Variants in XXYLT1 observed in about 807,000 individuals in gnomAD.
The protein encoded by XXYLT1 is UDP-xylose:alpha-xyloside alpha-1,3-xylosyltransferase.
XXYLT1 carries 20 observed loss-of-function variants against 28.9 expected under a neutral mutation model. The observed-to-expected ratio is 0.69, with a 90% CI of 0.49 to 1.00. XXYLT1 has a LOEUF of 1.00. Ranked by LOEUF, XXYLT1 falls within the 50% of genes least tolerant of loss-of-function variation. XXYLT1 has a pLI of 0.00. For missense variants in XXYLT1, 542 were observed against 560.1 expected (o/e 0.97, Z 0.33); for synonymous variants, 257 against 253.8 (o/e 1.01, Z -0.12).
chr3:195,265,463 G>C (rs1725819658), intron 1 of XXYLT1, among the ~76,000 whole-genome samples: 2 of 152,286 alleles, frequency 1.3e-5, no homozygotes, highest in South Asian at 4.1e-4. Flanking sequence ...AGGTCTTTCT[G>C]AACAGTTAAG....
At position 195,115,230 on chromosome 3, in the gene XXYLT1, G is replaced by A. The variant is rs1105819; in HGVS notation, c.785+41219C>T. On this transcript the variant is annotated intron_variant, in intron 3 of 3. Coordinates refer to ENST00000310380, the MANE Select transcript of XXYLT1 (RefSeq NM_152531.5). The surrounding 1 kb of genome is among the most constrained non-coding windows in gnomAD (Gnocchi z 4.2). Reference sequence around the variant, plus strand: ...TTCTGGCTGTCACTGCTGGTTAGACGGTCCCAGTCACCTTGAACCCAGGTC... The same window carrying A: ...TTCTGGCTGTCACTGCTGGTTAGACAGTCCCAGTCACCTTGAACCCAGGTC... Among the ~76,000 whole-genome samples, 83,107 of 152,004 alleles carry A rather than the reference G, an allele frequency of 0.55. 23,416 individuals carry two copies. Among genetic ancestry groups the A allele is most frequent in the Middle Eastern group, 0.65 (190 of 294 alleles).
intron 3 of XXYLT1, among the ~76,000 whole-genome samples, chr3:195,075,775 T>G (rs977133683): frequency 1.3e-5 from 2 of 152,232 alleles, no homozygotes; most frequent in Non-Finnish European, 2.9e-5. Flanking sequence ...GTGCTTGTTT[T>G]CAAACCCCAG....
intron 1 of XXYLT1, among the ~76,000 whole-genome samples, chr3:195,259,200 G>C (rs1725587933): frequency 6.6e-6 from 1 of 152,244 alleles, no homozygotes; most frequent in African/African-American, 2.4e-5. Context: ...GGCTTAATCG[G>C]GGCTGCTTAA....
intron 3 of XXYLT1, among the ~76,000 whole-genome samples, chr3:195,126,003 T>A (rs1231786611): frequency 6.6e-6 from 1 of 152,024 alleles, no homozygotes; most frequent in East Asian, 1.9e-4. Context: ...CAAAACCACA[T>A]GGAGGCATTT....
At chr3:195,179,794 C>A (rs1263036858) in intron 2 of XXYLT1, among the ~76,000 whole-genome samples, 1 of 152,108 alleles carries the variant, frequency 6.6e-6, no homozygotes, top group Non-Finnish European at 1.5e-5. Context: ...CCACTTGCAG[C>A]CGTAGAGATG....
intron 2 of XXYLT1, among the ~76,000 whole-genome samples, chr3:195,223,051 C>G (rs1723896743): frequency 6.6e-6 from 1 of 151,494 alleles, no homozygotes; most frequent in African/African-American, 2.4e-5. Flanking sequence ...TGGTGAAACC[C>G]CATCTCTACT....
At chr3:195,201,112 G>T (rs1347670012) in intron 2 of XXYLT1, among the ~76,000 whole-genome samples, 1 of 152,112 alleles carries the variant, frequency 6.6e-6, no homozygotes, top group Non-Finnish European at 1.5e-5. Flanking sequence ...AAGCTCTCTG[G>T]GTAATTCTGA....
intron 2 of XXYLT1, among the ~76,000 whole-genome samples, chr3:195,191,340 A>C (rs1722410868): frequency 6.6e-6 from 1 of 152,232 alleles, no homozygotes; most frequent in Admixed American, 6.5e-5. Context: ...AAAGATAAAG[A>C]TCTTTATGAT....
Position 195,238,158 on chromosome 3 carries a change from G to A in XXYLT1, c.505-11302C>T, listed in dbSNP as rs535107445. Among the ~76,000 whole-genome samples, 403 of 152,046 alleles carry A rather than the reference G, an allele frequency of 2.7e-3. 1 individual carries two copies. The highest frequency in any genetic ancestry group is 9.1e-3 in the African/African-American group (378 of 41,410). Reference sequence around the variant, plus strand: ...TCTGGCCCCGTCCCCCGACCTCCCCGCCTCGTGTGACTGGGCAGCACTGAA... The same window carrying A: ...TCTGGCCCCGTCCCCCGACCTCCCCACCTCGTGTGACTGGGCAGCACTGAA... On this transcript the variant is annotated intron_variant, in intron 1 of 3. Coordinates refer to ENST00000310380, the MANE Select transcript of XXYLT1 (RefSeq NM_152531.5).
chr3:195,122,640 C>A (rs371260293), intron 3 of XXYLT1, among the ~76,000 whole-genome samples: 1 of 152,160 alleles, frequency 6.6e-6, no homozygotes, highest in Non-Finnish European at 1.5e-5. Flanking sequence ...AAGGGGGAGG[C>A]GACTGCCAGC....
chr3:195,074,343 G>A (rs1271927654), intron 3 of XXYLT1, among the ~76,000 whole-genome samples: 1 of 152,222 alleles, frequency 6.6e-6, no homozygotes, highest in Non-Finnish European at 1.5e-5. Flanking sequence ...AGCCTTGAGA[G>A]CAGTCACTGA....
intron 3 of XXYLT1, among the ~76,000 whole-genome samples, chr3:195,119,939 G>C (rs1209265276): frequency 6.6e-5 from 10 of 151,536 alleles, no homozygotes; most frequent in Non-Finnish European, 1.0e-4. Context: ...TGGGCGGGGC[G>C]GGGGGAGCAG....
intron 2 of XXYLT1, among the ~76,000 whole-genome samples, chr3:195,185,695 C>T (rs562719304): frequency 5.9e-5 from 9 of 152,004 alleles, no homozygotes; most frequent in African/African-American, 1.9e-4. Context: ...TCGACACACC[C>T]TCTGGGCGCT....
intron 2 of XXYLT1, chr3:195,175,736 T>A: frequency 6.5e-7 from 1 of 1,534,888 alleles, no homozygotes; most frequent in Non-Finnish European, 8.7e-7. Context: ...ACTGTAGCAG[T>A]GAGAAGCCAC....
intron 3 of XXYLT1, among the ~76,000 whole-genome samples, chr3:195,072,483 G>A (rs181134924): frequency 6.6e-6 from 1 of 151,382 alleles, no homozygotes; most frequent in Non-Finnish European, 1.5e-5. Context: ...TCAGGAGATG[G>A]GGGCCGCAGG....
At chr3:195,088,968 T>G (rs1368820029) in intron 3 of XXYLT1, among the ~76,000 whole-genome samples, 1 of 151,748 alleles carries the variant, frequency 6.6e-6, no homozygotes, top group East Asian at 1.9e-4. Flanking sequence ...AGAAGGGAAG[T>G]TTAGAGAAAA....
At position 195,078,242 on chromosome 3, in the gene XXYLT1, C is replaced by A. The variant is rs2108643897; in HGVS notation, c.786-8131G>T. Among the ~76,000 whole-genome samples the A allele has an allele frequency of 6.6e-6, 1 of 152,158 alleles. No homozygotes were observed. Among genetic ancestry groups the A allele is most frequent in the South Asian group, 2.1e-4 (1 of 4,800 alleles). ...CCGGCCATAAGCAGAGAGCACCAAGCAGGTGGTACGGAATTCTGGAGAGTT... is the reference window on the plus strand; with the variant it reads ...CCGGCCATAAGCAGAGAGCACCAAGAAGGTGGTACGGAATTCTGGAGAGTT... On this transcript the variant is annotated intron_variant, in intron 3 of 3. Coordinates refer to ENST00000310380, the MANE Select transcript of XXYLT1 (RefSeq NM_152531.5). This position sits in a 1 kb window ranked among gnomAD's most constrained non-coding sequence, Gnocchi z 5.0.
chr3:195,265,397 G>A (rs180889259), intron 1 of XXYLT1, among the ~76,000 whole-genome samples: 1 of 152,254 alleles, frequency 6.6e-6, no homozygotes, highest in Admixed American at 6.5e-5. Flanking sequence ...AATGCACAAG[G>A]TGATGGGAAA....
rs564579266 is a variant in XXYLT1, at chr3:195,253,655, C to T, written c.504+16900G>A. On this transcript the variant is annotated intron_variant, in intron 1 of 3. Transcript: ENST00000310380. ...CTGGGACTACAGGTGCCCACCACCACGCCTGGCCAATTTTTGTATTTTTAG... is the reference window on the plus strand; with the variant it reads ...CTGGGACTACAGGTGCCCACCACCATGCCTGGCCAATTTTTGTATTTTTAG... Among the ~76,000 whole-genome samples the T allele has an allele frequency of 2.9e-3, 437 of 152,118 alleles. 1 individual carries two copies. Among genetic ancestry groups the T allele is most frequent in the African/African-American group, 9.8e-3 (407 of 41,502 alleles).
Sources: allele counts gnomAD v4.1 joint callset (sites outside exome capture counted in the v4.1 genomes callset), GRCh38; gene constraint gnomAD v4.1.1; non-coding constraint Gnocchi (gnomAD v3.1); transcripts MANE v1.5; gene names NCBI Gene and HGNC (gene_info 2026-07-23, HGNC 2026-07-21).